The following SEPHS1 variants were observed in gnomAD, a reference collection of about 807,000 sequenced individuals.
The protein encoded by SEPHS1 is zincore component SEPHS1.
SEPHS1 carries 7 observed loss-of-function variants against 39.2 expected under a neutral mutation model. That is an observed-to-expected ratio of 0.18 (90% CI 0.10 to 0.34). The LOEUF (loss-of-function observed/expected upper bound fraction) is 0.34. SEPHS1 is among the 10% of genes least tolerant of loss of function. The pLI is 1.00. For synonymous variants in SEPHS1, 190 were observed against 195.5 expected (o/e 0.97, Z 0.23); for missense variants, 253 against 514.5 (o/e 0.49, Z 4.92).
rs370560910 is a variant in SEPHS1, at chr10:13,336,209, C to T, written c.405+34G>A. ...GGCCAGAGATGCCACCGGGACAACA[C>T]GGACCAGGCAGCAGCCGGGTAGCTC... On this transcript the variant is annotated intron_variant, in intron 4 of 8. Transcript: ENST00000327347. The T allele has an allele frequency of 1.2e-3, 1,805 of 1,463,066 alleles. 1 individual carries two copies. Among genetic ancestry groups the T allele is most frequent in the Admixed American group, 1.8e-3 (105 of 59,448 alleles). The allele number at this position is 1,463,066 out of a possible 1,614,324, so 90.6% of individuals were successfully genotyped here.
intron 3 of SEPHS1, among the ~76,000 whole-genome samples, chr10:13,337,389 A>T (rs1423732312): frequency 6.6e-6 from 1 of 152,260 alleles, no homozygotes; most frequent in Non-Finnish European, 1.5e-5. Flanking sequence ...GAGATTTTTA[A>T]AAGTTAAGTT....
intron 5 of SEPHS1, 146 bp from the exon 6 acceptor site, chr10:13,329,934 A>C (rs1446601226): frequency 3.0e-6 from 2 of 671,322 alleles, no homozygotes; most frequent in African/African-American, 3.6e-5. Context: ...CATGTATGGG[A>C]CAGAGCCTTG....
intron 8 of SEPHS1, among the ~76,000 whole-genome samples, chr10:13,322,503 C>T (rs1833147231): frequency 6.6e-6 from 1 of 152,168 alleles, no homozygotes; most frequent in Non-Finnish European, 1.5e-5. Context: ...AAAAAAATAT[C>T]ACCTGTTCAA....
intron 7 of SEPHS1, among the ~76,000 whole-genome samples, chr10:13,324,918 A>T (rs931970766): frequency 1.3e-5 from 2 of 152,204 alleles, no homozygotes; most frequent in African/African-American, 4.8e-5. Flanking sequence ...TTGACGTACC[A>T]CACTGAAGGT....
chr10:13,330,093 C>A (rs1341159005), intron 5 of SEPHS1, among the ~76,000 whole-genome samples: 3 of 152,156 alleles, frequency 2.0e-5, no homozygotes, highest in Non-Finnish European at 4.4e-5. Flanking sequence ...GGCAACACAA[C>A]AAGGACCCCA....
intron 8 of SEPHS1, among the ~76,000 whole-genome samples, chr10:13,322,523 G>A (rs926277440): frequency 1.1e-4 from 17 of 152,134 alleles, no homozygotes; most frequent in Admixed American, 7.2e-4. Flanking sequence ...AAGTAACCTA[G>A]GGGTATTACA....
intron 2 of SEPHS1, among the ~76,000 whole-genome samples, chr10:13,340,981 A>G (rs1018816672): frequency 6.6e-6 from 1 of 152,280 alleles, no homozygotes; most frequent in Non-Finnish European, 1.5e-5. Context: ...ATAATGTCGT[A>G]TATATACATA....
intron 5 of SEPHS1, 136 bp from the exon 6 acceptor site, chr10:13,329,924 C>A: frequency 1.4e-6 from 1 of 715,964 alleles, no homozygotes; most frequent in Non-Finnish European, 2.4e-6. Flanking sequence ...CAACTACCAG[C>A]ATGTATGGGA....
chr10:13,327,591 T>A (rs777461562), intron 7 of SEPHS1, among the ~76,000 whole-genome samples: 1 of 152,180 alleles, frequency 6.6e-6, no homozygotes, highest in Non-Finnish European at 1.5e-5. Flanking sequence ...GAAGACATAT[T>A]AAAAAACGCT....
intron 4 of SEPHS1, among the ~76,000 whole-genome samples, chr10:13,335,366 T>C (rs1054277560): frequency 2.6e-5 from 4 of 152,182 alleles, no homozygotes; most frequent in Non-Finnish European, 5.9e-5. Flanking sequence ...GCCAAAACTT[T>C]ATTTTAAAAA....
intron 7 of SEPHS1, among the ~76,000 whole-genome samples, 160 bp from the exon 8 acceptor site, chr10:13,323,207 A>G (rs749583470): frequency 1.3e-5 from 2 of 152,214 alleles, no homozygotes; most frequent in African/African-American, 2.4e-5. Context: ...GTGAAATTCC[A>G]AAAGTTCTTA....
intron 3 of SEPHS1, among the ~76,000 whole-genome samples, chr10:13,337,831 G>A (rs555122179): frequency 5.3e-5 from 8 of 152,142 alleles, no homozygotes; most frequent in African/African-American, 7.2e-5. Context: ...ACAGATGTGC[G>A]GAAGAAATAT....
At chr10:13,333,536 GT>G (rs1833531905) in intron 5 of SEPHS1, among the ~76,000 whole-genome samples, 1 of 151,962 alleles carries the variant, frequency 6.6e-6, no homozygotes, top group Admixed American at 6.6e-5. Context: ...CACCCCTGGG[GT>G]TCAAGCGATT....
chr10:13,343,149 T>C (rs1833842146), intron 2 of SEPHS1, among the ~76,000 whole-genome samples: 1 of 152,226 alleles, frequency 6.6e-6, no homozygotes, highest in South Asian at 2.1e-4. Flanking sequence ...AAGTTATAAA[T>C]AGTAATTCTT....
At chr10:13,340,502 C>T (rs1309615503) in intron 2 of SEPHS1, among the ~76,000 whole-genome samples, 3 of 152,080 alleles carry the variant, frequency 2.0e-5, no homozygotes, top group Non-Finnish European at 2.9e-5. Context: ...ATGGATTCTC[C>T]CTAAATGGAT....
In SEPHS1 at chr10:13,347,972, TC is replaced by T. The variant is rs1278716776; in HGVS notation, c.-79+27del. The T allele has an allele frequency of 1.4e-3, 191 of 139,716 alleles. 2 individuals are homozygous for T. Among genetic ancestry groups the T allele is most frequent in the African/African-American group, 4.0e-3 (149 of 37,622 alleles). 8.7% of individuals were successfully genotyped at this position (139,716 alleles called of 1,614,324 possible). ...CCAGATTCCCCTTTAAGCCTGCGCC[TC>T]CCCCCCGCGCCGGGCCCGCCGCTTA... On this transcript the variant is annotated intron_variant, in intron 1 of 8. Coordinates refer to ENST00000327347, the MANE Select transcript of SEPHS1 (RefSeq NM_012247.5).
chr10:13,336,643 A>G (rs548923996), intron 3 of SEPHS1, among the ~76,000 whole-genome samples: 1 of 152,306 alleles, frequency 6.6e-6, no homozygotes, highest in African/African-American at 2.4e-5. Context: ...CAATTTATTT[A>G]GATAGGGGAA....
intron 4 of SEPHS1, 58 bp from the exon 5 acceptor site, chr10:13,334,029 A>AG: frequency 6.7e-7 from 1 of 1,483,826 alleles, no homozygotes; most frequent in Non-Finnish European, 9.2e-7. Flanking sequence ...AACCCAGAAA[A>AG]GAAGGTTTTT....
chr10:13,320,490 T>G (rs969634260), intron 8 of SEPHS1, among the ~76,000 whole-genome samples: 2 of 152,072 alleles, frequency 1.3e-5, no homozygotes, highest in African/African-American at 4.8e-5. Flanking sequence ...CAAAATTTAT[T>G]TCTCTAAGTA....
Sources: gnomAD v4.1 joint callset for allele counts (sites outside exome capture counted in the v4.1 genomes callset) on GRCh38, gnomAD v4.1.1 for gene constraint, MANE v1.5 for transcripts, NCBI Gene and HGNC (gene_info 2026-07-23, HGNC 2026-07-21) for gene names.